The following KIAA0825 variants were observed in gnomAD, a reference collection of about 807,000 sequenced individuals.
KIAA0825 encodes KIAA0825, also known as uncharacterized protein KIAA0825.
In KIAA0825, 119 loss-of-function variants were observed where a neutral mutation model predicts 147.6. That is an observed-to-expected ratio of 0.81 (90% CI 0.69 to 0.94). KIAA0825 has a LOEUF of 0.94. Among genes scored for constraint, KIAA0825 ranks in the 40% least tolerant of loss-of-function variants. The pLI is 0.00. For synonymous variants in KIAA0825, 470 were observed against 518.1 expected, an observed-to-expected ratio of 0.91 and a Z score of 1.26; for missense variants, 1,381 against 1,472.7, an observed-to-expected ratio of 0.94 and a Z score of 1.02.
intron 20 of KIAA0825, among the ~76,000 whole-genome samples, chr5:94,175,093 A>G (rs754726340): frequency 6.6e-6 from 1 of 152,170 alleles, no homozygotes; most frequent in African/African-American, 2.4e-5. Flanking sequence ...GCATGGAGCA[A>G]ATGGTGGCCC....
At chr5:94,215,124 A>G (rs1193156093) in intron 20 of KIAA0825, among the ~76,000 whole-genome samples, 4 of 152,188 alleles carry the variant, frequency 2.6e-5, no homozygotes, top group African/African-American at 9.7e-5. Flanking sequence ...ACAAGTGTTC[A>G]GGGGATCAGA....
chr5:94,409,229 AG>A (rs1752458817), intron 15 of KIAA0825, among the ~76,000 whole-genome samples: 1 of 152,190 alleles, frequency 6.6e-6, no homozygotes, highest in Admixed American at 6.5e-5. Flanking sequence ...TATAACTTTG[AG>A]GAAGAACTTT....
intron 20 of KIAA0825, among the ~76,000 whole-genome samples, chr5:94,308,175 C>G (rs532715624): frequency 6.6e-6 from 1 of 151,768 alleles, no homozygotes; most frequent in Non-Finnish European, 1.5e-5. Flanking sequence ...TGAAATTCTA[C>G]AAACATTTAT....
chr5:94,222,285 A>G (rs896158001), intron 20 of KIAA0825, among the ~76,000 whole-genome samples: 1 of 152,210 alleles, frequency 6.6e-6, no homozygotes, highest in Non-Finnish European at 1.5e-5. Flanking sequence ...CAACCAACAT[A>G]TATTTTAATT....
chr5:94,473,549 T>C, intron 7 of KIAA0825, 30 bp from the exon 8 acceptor site: 1 of 1,324,052 alleles, frequency 7.6e-7, no homozygotes, highest in South Asian at 1.3e-5. Flanking sequence ...GAAGTCATGT[T>C]AATCTTAACT....
chr5:94,597,633 T>A (rs1785547677), intron 1 of KIAA0825, among the ~76,000 whole-genome samples: 1 of 152,150 alleles, frequency 6.6e-6, no homozygotes, highest in African/African-American at 2.4e-5. Flanking sequence ...CTGTATATAG[T>A]CATGTGTCAC....
chr5:94,439,138 AG>A (rs543959429), intron 14 of KIAA0825, among the ~76,000 whole-genome samples: 8 of 152,186 alleles, frequency 5.3e-5, no homozygotes, highest in Non-Finnish European at 1.0e-4. Context: ...AGTGGGGAAA[AG>A]GTTAGAAAAC....
chr5:94,242,671 G>A (rs760873328), intron 20 of KIAA0825, among the ~76,000 whole-genome samples: 9 of 150,436 alleles, frequency 6.0e-5, no homozygotes, highest in Non-Finnish European at 5.9e-5. Context: ...TGTTGCCCAG[G>A]CTGGAGTGCA....
chr5:94,268,573 A>G (rs1776840478), intron 20 of KIAA0825, among the ~76,000 whole-genome samples: 1 of 152,162 alleles, frequency 6.6e-6, no homozygotes, highest in Non-Finnish European at 1.5e-5. Context: ...CAGTGGGCCA[A>G]ATGAGATGAA....
At chr5:94,325,303 A>G (rs1213838045) in intron 20 of KIAA0825, among the ~76,000 whole-genome samples, 1 of 152,004 alleles carries the variant, frequency 6.6e-6, no homozygotes, top group Non-Finnish European at 1.5e-5. Flanking sequence ...CAGCAGGAGT[A>G]TGCCCTCCTT....
At chr5:94,328,831 T>C (rs1266562074) in intron 20 of KIAA0825, among the ~76,000 whole-genome samples, 1 of 152,074 alleles carries the variant, frequency 6.6e-6, no homozygotes. Flanking sequence ...AGGAATAATT[T>C]TGATGAAGAA....
At chr5:94,507,665 A>G (rs1285433044) in intron 5 of KIAA0825, among the ~76,000 whole-genome samples, 1 of 152,138 alleles carries the variant, frequency 6.6e-6, no homozygotes, top group Non-Finnish European at 1.5e-5. Context: ...TAATCCAATG[A>G]AAAGTTCAAA....
At chr5:94,603,255 A>T (rs1786838129) in intron 1 of KIAA0825, among the ~76,000 whole-genome samples, 2 of 152,216 alleles carry the variant, frequency 1.3e-5, no homozygotes, top group Non-Finnish European at 2.9e-5. Context: ...GCCAGAAGAT[A>T]CTGGGGGCCA....
intron 20 of KIAA0825, among the ~76,000 whole-genome samples, chr5:94,227,832 G>A (rs1383510603): frequency 6.6e-6 from 1 of 151,862 alleles, no homozygotes; most frequent in African/African-American, 2.4e-5. Context: ...CGGGGGTTGA[G>A]GGCTGGGAGA....
At chr5:94,618,178 A>T (rs1470835700) in intron 1 of KIAA0825, 1 of 152,278 alleles carries the variant, frequency 6.6e-6, no homozygotes, top group Admixed American at 6.5e-5. Context: ...AATGGGAGAT[A>T]GGAAACTCGT....
At chr5:94,230,592 A>G (rs984236441) in intron 20 of KIAA0825, among the ~76,000 whole-genome samples, 5 of 152,166 alleles carry the variant, frequency 3.3e-5, no homozygotes, top group African/African-American at 1.2e-4. Flanking sequence ...TCATGGGTTT[A>G]TACTTTCAAA....
chr5:94,224,934 C>T (rs1774028145), intron 20 of KIAA0825, among the ~76,000 whole-genome samples: 1 of 152,192 alleles, frequency 6.6e-6, no homozygotes, highest in African/African-American at 2.4e-5. Flanking sequence ...TGTTTGCCTG[C>T]ATCCTGCCAC....
intron 2 of KIAA0825, among the ~76,000 whole-genome samples, chr5:94,575,015 T>A (rs1305662812): frequency 6.6e-6 from 1 of 152,162 alleles, no homozygotes; most frequent in East Asian, 1.9e-4. Context: ...GATGAGAACA[T>A]CCCTGGGGCA....
At chr5:94,240,788 A>C (rs772964216) in intron 20 of KIAA0825, among the ~76,000 whole-genome samples, 1 of 152,190 alleles carries the variant, frequency 6.6e-6, no homozygotes, top group Non-Finnish European at 1.5e-5. Context: ...CCAAGAATGC[A>C]CTTAGCTCAC....
Sources: gnomAD v4.1 joint callset for allele counts (sites outside exome capture counted in the v4.1 genomes callset) on GRCh38, gnomAD v4.1.1 for gene constraint, MANE v1.5 for transcripts, NCBI Gene and HGNC (gene_info 2026-07-23, HGNC 2026-07-21) for gene names.